INSC: variants seen among roughly 807,000 people sequenced by gnomAD.
INSC encodes the protein INSC spindle orientation adaptor protein, also known as protein inscuteable homolog.
In INSC, 67 loss-of-function variants were observed where a neutral mutation model predicts 58.6. That is an observed-to-expected ratio of 1.14 (90% confidence interval 0.94 to 1.40). The LOEUF (loss-of-function observed/expected upper bound fraction) is 1.40, where lower values mean the gene tolerates loss of function less well. INSC is among the 40% of genes most tolerant of loss of function. The pLI is 0.00. For missense variants in INSC, 714 were observed against 692.0 expected (o/e 1.03, Z -0.36); for synonymous variants, 262 against 276.1 (o/e 0.95, Z 0.51).
intron 9 of INSC, among the ~76,000 whole-genome samples, chr11:15,229,979 T>TTATATATA (rs1194544781): frequency 3.0e-5 from 1 of 32,992 alleles, no homozygotes; most frequent in Non-Finnish European, 5.2e-5. Flanking sequence ...TATATATATA[T>TTATATATA]TATATATATA....
At chr11:15,263,933 T>C in the INSC span, among the ~76,000 whole-genome samples, 1 of 150,456 alleles carries the variant, frequency 6.6e-6, no homozygotes, top group Non-Finnish European at 1.5e-5. Context: ...GAACCTCAAA[T>C]TCTTCTCATG....
At chr11:15,138,632 AT>A (rs1848300762) in intron 1 of INSC, among the ~76,000 whole-genome samples, 1 of 152,228 alleles carries the variant, frequency 6.6e-6, no homozygotes, top group Non-Finnish European at 1.5e-5. Context: ...TGAAGTCTGG[AT>A]AGGAAATGGA....
At chr11:15,238,870 A>G in intron 10 of INSC, 49 bp from the exon 11 acceptor site, 1 of 1,579,654 alleles carries the variant, frequency 6.3e-7, no homozygotes, top group African/African-American at 1.3e-5. Context: ...CCCCATGGGG[A>G]AGGCTCCATG....
chr11:15,205,358 C>A (rs1205917382), intron 7 of INSC, among the ~76,000 whole-genome samples: 1 of 152,194 alleles, frequency 6.6e-6, no homozygotes, highest in Non-Finnish European at 1.5e-5. Flanking sequence ...GAGAATCAGG[C>A]AATCCTGGGT....
At chr11:15,182,004 G>A (rs1380977611) in intron 5 of INSC, among the ~76,000 whole-genome samples, 3 of 152,164 alleles carry the variant, frequency 2.0e-5, no homozygotes, top group African/African-American at 4.8e-5. Context: ...ATTCCAGTGT[G>A]TGGGGAGTTG....
chr11:15,206,135 T>C (rs1850788365), intron 7 of INSC, among the ~76,000 whole-genome samples: 1 of 152,162 alleles, frequency 6.6e-6, no homozygotes. Flanking sequence ...CTATGCTGGG[T>C]TCTGGAGAAG....
At chr11:15,218,928 A>G (rs974465727) in intron 7 of INSC, among the ~76,000 whole-genome samples, 8 of 152,068 alleles carry the variant, frequency 5.3e-5, no homozygotes, top group Non-Finnish European at 1.2e-4. Context: ...ATTTTACTTT[A>G]TTGTACTTAT....
At chr11:15,232,303 T>C (rs1438717558) in intron 9 of INSC, among the ~76,000 whole-genome samples, 1 of 152,234 alleles carries the variant, frequency 6.6e-6, no homozygotes, top group Non-Finnish European at 1.5e-5. Flanking sequence ...ACACAGTCTT[T>C]CAAGGCTTGA....
At chr11:15,184,044 A>C (rs1849877209) in intron 5 of INSC, among the ~76,000 whole-genome samples, 1 of 152,118 alleles carries the variant, frequency 6.6e-6, no homozygotes, top group East Asian at 1.9e-4. Context: ...AAATTAATTG[A>C]ATTACATATG....
intron 1 of INSC, among the ~76,000 whole-genome samples, chr11:15,123,429 A>G (rs1293600017): frequency 6.6e-6 from 1 of 152,228 alleles, no homozygotes; most frequent in Admixed American, 6.5e-5. Context: ...GAACAAATGA[A>G]TGAATGAAGA....
upstream of INSC, among the ~76,000 whole-genome samples, chr11:15,112,855 A>G (rs1847601054): frequency 6.6e-6 from 1 of 152,160 alleles, no homozygotes; most frequent in African/African-American, 2.4e-5. Flanking sequence ...GGTGCTTTAC[A>G]TCCTTGACCT....
intron 2 of INSC, among the ~76,000 whole-genome samples, chr11:15,150,441 T>A (rs1301072515): frequency 6.6e-6 from 1 of 152,240 alleles, no homozygotes; most frequent in Non-Finnish European, 1.5e-5. Flanking sequence ...TTCTTTCTGT[T>A]GTGTTCCACT....
intron 5 of INSC, among the ~76,000 whole-genome samples, chr11:15,187,016 G>T (rs533599934): frequency 1.3e-5 from 2 of 152,298 alleles, no homozygotes; most frequent in Admixed American, 1.3e-4. Flanking sequence ...CTTGAAGAGT[G>T]CTAGACAGTG....
upstream of INSC, among the ~76,000 whole-genome samples, chr11:15,113,119 CTCTTTCTTTCTT>C (rs746409775): frequency 4.1e-5 from 3 of 73,264 alleles, no homozygotes; most frequent in African/African-American, 9.7e-5. Context: ...TTCTCTCTCT[CTCTTTCTTTCTT>C]TCTTTCTTTC....
At chr11:15,231,113 TCTC>T (rs1445628576) in intron 9 of INSC, among the ~76,000 whole-genome samples, 2 of 152,172 alleles carry the variant, frequency 1.3e-5, no homozygotes, top group Non-Finnish European at 2.9e-5. Flanking sequence ...GGCTATACCT[TCTC>T]CTGGGCTCTC....
At chr11:15,160,490 G>T (rs994386195) in intron 2 of INSC, among the ~76,000 whole-genome samples, 7 of 152,190 alleles carry the variant, frequency 4.6e-5, no homozygotes, top group Non-Finnish European at 8.8e-5. Context: ...GGAGGGCACA[G>T]GTGATGGCTC....
At chr11:15,198,733 G>A (rs1197341539) in intron 6 of INSC, among the ~76,000 whole-genome samples, 1 of 152,104 alleles carries the variant, frequency 6.6e-6, no homozygotes, top group Non-Finnish European at 1.5e-5. Flanking sequence ...GCTGGCTGAT[G>A]AGAGCTTAGG....
chr11:15,125,568 T>A (rs182574530), intron 1 of INSC, among the ~76,000 whole-genome samples: 105 of 152,342 alleles, frequency 6.9e-4, no homozygotes, highest in African/African-American at 2.4e-3. Context: ...TCATTTTCTA[T>A]TCTACAGATG....
At position 15,246,741 on chromosome 11, in the gene INSC, TTTGCTTTTGTGTAACCTCCTG is replaced by T. The variant is rs1314508931; in HGVS notation, c.*704_*724del. 1 of 152,270 alleles carries T rather than the reference TTTGCTTTTGTGTAACCTCCTG, an allele frequency of 6.6e-6. No individual in the cohort carries two copies. Among genetic ancestry groups the T allele is most frequent in the Non-Finnish European group, 1.5e-5 (1 of 68,042 alleles). The allele number at this position is 152,270 out of a possible 1,614,324, so 9.4% of individuals were successfully genotyped here. On this transcript the variant is annotated 3_prime_UTR_variant, in exon 13 of 13. Coordinates refer to ENST00000379556, the MANE Select transcript of INSC (RefSeq NM_001042536.3). ...CAGAAACCCTGCTTCCTTTGGCTTC[TTTGCTTTTGTGTAACCTCCTG>T]TTCACCTCCTGGTGAATAGAATCCT...
Sources: gnomAD v4.1 joint callset for allele counts (sites outside exome capture counted in the v4.1 genomes callset) on GRCh38, gnomAD v4.1.1 for gene constraint, MANE v1.5 for transcripts, NCBI Gene and HGNC (gene_info 2026-07-23, HGNC 2026-07-21) for gene names.